Variants in NDUFAF7 observed in about 807,000 individuals in gnomAD.
NDUFAF7 encodes the protein NADH:ubiquinone oxidoreductase complex assembly factor 7, also known as protein arginine methyltransferase NDUFAF7, mitochondrial.
Under a neutral mutation model 47.2 loss-of-function variants are expected in NDUFAF7, and 48 were observed. The observed-to-expected ratio is 1.02, with a 90% CI of 0.81 to 1.29. The LOEUF is 1.29. Ranked by LOEUF, NDUFAF7 falls within the 50% of genes most tolerant of loss-of-function variation. The pLI is 0.00. For missense variants in NDUFAF7, 635 were observed against 537.6 expected (o/e 1.18, Z -1.79); for synonymous variants, 217 against 190.0 (o/e 1.14, Z -1.17).
At chr2:37,236,601 G>C (rs183948503) in intron 3 of NDUFAF7, among the ~76,000 whole-genome samples, 1,657 of 151,774 alleles carry the variant, frequency 0.011, 9 homozygotes, top group Non-Finnish European at 0.018. Context: ...ACGGTGAAAC[G>C]CAGTCTCTAC....
chr2:37,243,278 CTG>C (rs1666542897), intron 6 of NDUFAF7, among the ~76,000 whole-genome samples: 1 of 152,098 alleles, frequency 6.6e-6, no homozygotes, highest in Non-Finnish European at 1.5e-5. Context: ...TGACAAAACC[CTG>C]TGTCTACTAA....
downstream of NDUFAF7, among the ~76,000 whole-genome samples, chr2:37,257,238 C>T (rs140730369): frequency 3.3e-4 from 50 of 152,252 alleles, no homozygotes; most frequent in African/African-American, 1.2e-3. Flanking sequence ...ATAGAGTATG[C>T]TGCTTTCTAT....
At chr2:37,256,730 A>G (rs760727982), downstream of NDUFAF7, 1 of 1,583,856 alleles carries the variant, frequency 6.3e-7, no homozygotes, top group Non-Finnish European at 8.5e-7. Context: ...TTGGTCATTT[A>G]TATCTTCATC....
chr2:37,234,376 G>A (rs186845501), intron 2 of NDUFAF7, among the ~76,000 whole-genome samples: 1 of 152,266 alleles, frequency 6.6e-6, no homozygotes, highest in East Asian at 1.9e-4. Flanking sequence ...ACAGGTGTGA[G>A]CCACTGTGCG....
chr2:37,252,237 T>G (rs1451726947), downstream of NDUFAF7: 1 of 152,190 alleles, frequency 6.6e-6, no homozygotes, highest in African/African-American at 2.4e-5. Context: ...TAACTGACCC[T>G]GCACTGGCCC....
At chr2:37,244,571 CA>C (rs11331311) in intron 7 of NDUFAF7, among the ~76,000 whole-genome samples, 32,511 of 151,798 alleles carry the variant, frequency 0.21, 4,552 homozygotes, top group East Asian at 0.65. Flanking sequence ...TTTAAAGGTA[CA>C]AAAAAATCCC....
chr2:37,249,437 T>TGTG (rs891556433), downstream of NDUFAF7, among the ~76,000 whole-genome samples: 1 of 151,990 alleles, frequency 6.6e-6, no homozygotes, highest in Admixed American at 6.6e-5. Context: ...ATTAGCCTGG[T>TGTG]GTGGTGGTGG....
intron 3 of NDUFAF7, among the ~76,000 whole-genome samples, chr2:37,236,863 G>A (rs1052804044): frequency 2.6e-5 from 4 of 151,514 alleles, no homozygotes; most frequent in East Asian, 1.9e-4. Flanking sequence ...GAGAGTGCCC[G>A]GGAAGGAAGA....
chr2:37,237,934 C>T (rs1351108901), intron 4 of NDUFAF7, 67 bp downstream of exon 4: 1 of 1,103,692 alleles, frequency 9.1e-7, no homozygotes, highest in African/African-American at 1.5e-5. Context: ...GTGTGCAAAC[C>T]ATGTTGATTT....
chr2:37,262,179 C>G, the NDUFAF7 span, among the ~76,000 whole-genome samples: 2 of 152,104 alleles, frequency 1.3e-5, no homozygotes, highest in African/African-American at 4.8e-5. Flanking sequence ...ATATGGCTAG[C>G]TGATTATGCT....
downstream of NDUFAF7, chr2:37,254,310 A>C: frequency 6.3e-7 from 1 of 1,594,216 alleles, no homozygotes; most frequent in Non-Finnish European, 8.6e-7. Flanking sequence ...AGACAAAACA[A>C]GATACATGAA....
the NDUFAF7 span, among the ~76,000 whole-genome samples, chr2:37,262,483 T>C: frequency 1.1e-4 from 16 of 152,274 alleles, 2 homozygotes; most frequent in South Asian, 3.3e-3. Context: ...TTAAACCCAT[T>C]TTATGAGATC....
intron 6 of NDUFAF7, among the ~76,000 whole-genome samples, chr2:37,243,111 G>A (rs1016234822): frequency 1.5e-4 from 23 of 152,066 alleles, no homozygotes; most frequent in Admixed American, 1.3e-3. Flanking sequence ...ACAGGTGTGC[G>A]CCACTGCACC....
downstream of NDUFAF7, chr2:37,252,720 C>T (rs1192964501): frequency 6.6e-6 from 1 of 151,762 alleles, no homozygotes; most frequent in Non-Finnish European, 1.5e-5. Context: ...TCACAGTTAC[C>T]TCTTAAATAC....
the NDUFAF7 span, chr2:37,269,411 C>A: frequency 1.8e-6 from 1 of 561,698 alleles, no homozygotes; most frequent in Non-Finnish European, 3.2e-6. Flanking sequence ...TTTTCTGATT[C>A]TGTTAATTTT....
At chr2:37,260,358 G>A in the NDUFAF7 span, 4 of 1,611,936 alleles carry the variant, frequency 2.5e-6, no homozygotes, top group Middle Eastern at 3.3e-4. Flanking sequence ...TACATTCCAG[G>A]TTTACAATCC....
At chr2:37,263,289 T>C in the NDUFAF7 span, among the ~76,000 whole-genome samples, 1 of 152,170 alleles carries the variant, frequency 6.6e-6, no homozygotes, top group African/African-American at 2.4e-5. Flanking sequence ...TATTTTAAAG[T>C]TTTCATGTAG....
chr2:37,249,643 G>GACAC (rs56208997), downstream of NDUFAF7, among the ~76,000 whole-genome samples: 978 of 132,612 alleles, frequency 7.4e-3, 25 homozygotes, highest in African/African-American at 0.015. Context: ...CTGTGATAGA[G>GACAC]ACACACACAC....
chr2:37,268,504 T>A, the NDUFAF7 span: 2 of 354,944 alleles, frequency 5.6e-6, no homozygotes, highest in African/African-American at 4.3e-5. Flanking sequence ...AACGCTCCAA[T>A]AAAGTTCAGT....
Sources: gnomAD v4.1 joint callset for allele counts (sites outside exome capture counted in the v4.1 genomes callset) on GRCh38, gnomAD v4.1.1 for gene constraint, MANE v1.5 for transcripts, NCBI Gene and HGNC (gene_info 2026-07-23, HGNC 2026-07-21) for gene names.